The following SYNJ2 variants were observed in gnomAD, a reference collection of about 807,000 sequenced individuals.
SYNJ2 encodes the protein synaptojanin 2.
SYNJ2 carries 116 observed loss-of-function variants against 141.3 expected under a neutral mutation model. The ratio of observed to expected loss-of-function variants is 0.82; its 90% CI spans 0.71 to 0.96. SYNJ2 has a LOEUF of 0.96. Among genes scored for constraint, SYNJ2 ranks in the 40% least tolerant of loss-of-function variants. The pLI, the probability that SYNJ2 is intolerant of heterozygous loss-of-function variation, is 0.00. For synonymous variants in SYNJ2, 745 were observed against 777.7 expected (o/e 0.96, Z 0.70); for missense variants, 1,873 against 1,934.8 (o/e 0.97, Z 0.60).
chr6:158,026,169 G>A (rs535113082), intron 2 of SYNJ2, among the ~76,000 whole-genome samples: 4 of 152,318 alleles, frequency 2.6e-5, no homozygotes, highest in African/African-American at 9.6e-5. Flanking sequence ...TCATGCGTGT[G>A]TGAAATGGCA....
intron 5 of SYNJ2, among the ~76,000 whole-genome samples, chr6:158,046,698 G>A (rs908958443): frequency 2.0e-5 from 3 of 152,180 alleles, no homozygotes; most frequent in African/African-American, 7.2e-5. Flanking sequence ...AGTACTTCCT[G>A]ACTCCATTTC....
At chr6:158,059,403 T>C in intron 7 of SYNJ2, 50 bp downstream of exon 7, 2 of 1,544,178 alleles carry the variant, frequency 1.3e-6, no homozygotes, top group Non-Finnish European at 1.7e-6. Flanking sequence ...CAGGTGGCCA[T>C]GGTGGAGCGT....
intron 2 of SYNJ2, among the ~76,000 whole-genome samples, chr6:158,019,445 T>G (rs1422753594): frequency 6.6e-6 from 1 of 152,116 alleles, no homozygotes; most frequent in Non-Finnish European, 1.5e-5. Flanking sequence ...AGATCAGCTG[T>G]GGGAAATTGG....
At chr6:157,994,805 T>A (rs9459063) in intron 1 of SYNJ2, among the ~76,000 whole-genome samples, 56,007 of 152,124 alleles carry the variant, frequency 0.37, 11,786 homozygotes, top group African/African-American at 0.59. Context: ...TTGGGCTCTT[T>A]TTGACAGGGG....
At chr6:158,020,629 T>C (rs1010702829) in intron 2 of SYNJ2, among the ~76,000 whole-genome samples, 1 of 150,676 alleles carries the variant, frequency 6.6e-6, no homozygotes, top group Non-Finnish European at 1.5e-5. Flanking sequence ...CTGATTTCAC[T>C]GCGTGGCTAA....
At chr6:157,999,964 A>G (rs1777775087) in intron 1 of SYNJ2, among the ~76,000 whole-genome samples, 1 of 151,734 alleles carries the variant, frequency 6.6e-6, no homozygotes, top group South Asian at 2.1e-4. Context: ...CACACAGCAC[A>G]ACAGCTTATG....
In SYNJ2 at chr6:158,006,488, C is replaced by T. The variant is rs537433698; in HGVS notation, c.128-10716C>T. Among the ~76,000 whole-genome samples, 399 of 152,280 alleles carry T rather than the reference C, an allele frequency of 2.6e-3. 2 individuals carry two copies. The highest frequency in any genetic ancestry group is 5.6e-3 in the South Asian group (27 of 4,828). On this transcript the variant is annotated intron_variant, in intron 1 of 26. Coordinates refer to ENST00000355585, the MANE Select transcript of SYNJ2 (RefSeq NM_003898.4). Reference sequence around the variant, plus strand: ...CCTTGAAACGCTTTCTTCTCCTGGCCGCCAGGATGCCACGCACTGCTGGGT... The same window carrying T: ...CCTTGAAACGCTTTCTTCTCCTGGCTGCCAGGATGCCACGCACTGCTGGGT...
intron 1 of SYNJ2, among the ~76,000 whole-genome samples, chr6:157,993,023 G>T (rs1223982299): frequency 3.3e-5 from 5 of 152,066 alleles, no homozygotes; most frequent in Non-Finnish European, 5.9e-5. Context: ...CCTCCAAACT[G>T]TTCTCCATAG....
intron 5 of SYNJ2, among the ~76,000 whole-genome samples, chr6:158,053,963 T>C (rs867717303): frequency 4.0e-5 from 6 of 149,504 alleles, no homozygotes; most frequent in African/African-American, 1.5e-4. Context: ...GATCCATCCA[T>C]CCACCCACCC....
At chr6:158,009,578 T>C (rs1300930871) in intron 1 of SYNJ2, among the ~76,000 whole-genome samples, 1 of 152,134 alleles carries the variant, frequency 6.6e-6, no homozygotes, top group Non-Finnish European at 1.5e-5. Context: ...CAGAAATTCG[T>C]GGCCAGCCAA....
chr6:158,025,969 A>ATACATGC (rs1322823585), intron 2 of SYNJ2, among the ~76,000 whole-genome samples: 2 of 144,142 alleles, frequency 1.4e-5, no homozygotes, highest in South Asian at 4.4e-4. Context: ...TAAATAAATA[A>ATACATGC]ATAATACATG....
At chr6:158,076,858 C>T in intron 17 of SYNJ2, 76 bp downstream of exon 17, 3 of 1,489,922 alleles carry the variant, frequency 2.0e-6, no homozygotes, top group Non-Finnish European at 2.7e-6. Context: ...CACGTTTACC[C>T]AACCCCAGGC....
Position 158,028,923 on chromosome 6 carries a change from G to T in SYNJ2, c.382G>T (p.Val128Leu). Residue 128 changes from valine to leucine, a missense_variant, in exon 3 of 27, where the codon GTG (valine) becomes TTG (leucine). Coordinates refer to ENST00000355585, the MANE Select transcript of SYNJ2 (RefSeq NM_003898.4). ...TTTGAAGAAAATCCTCAGCTCGGGGGTGTTCTATTTCTCATGGCCAAACGA... is the reference window on the plus strand; with the variant it reads ...TTTGAAGAAAATCCTCAGCTCGGGGTTGTTCTATTTCTCATGGCCAAACGA... ...IALKKILSSG[V>L]FYFSWPNDGS... 6.2e-7 allele frequency: 1 copy of T among 1,614,176 alleles called. No homozygotes were observed. Among genetic ancestry groups the T allele is most frequent in the Non-Finnish European group, 8.5e-7 (1 of 1,180,032 alleles).
chr6:158,039,535 C>G (rs117905025), intron 4 of SYNJ2, among the ~76,000 whole-genome samples: 2,143 of 152,312 alleles, frequency 0.014, 19 homozygotes, highest in South Asian at 0.032. Flanking sequence ...CTTCCTACCC[C>G]CTTGAGTTTG....
Position 158,070,613 on chromosome 6 carries a change from C to T in SYNJ2, c.1940+940C>T, listed in dbSNP as rs1286755108. On this transcript the variant is annotated intron_variant, in intron 14 of 26. Transcript: ENST00000355585. This position sits in a 1 kb window ranked among gnomAD's most constrained non-coding sequence, Gnocchi z 4.0. ...GGTTTCCCAGGCTCGGTGTCCTCGG[C>T]TTCACGTGCCTTTAGCCCTGAGCTG... is the stretch of plus-strand genomic sequence containing the variant. 2 of 599,840 alleles carry T rather than the reference C, an allele frequency of 3.3e-6. No homozygotes were observed. Among genetic ancestry groups the T allele is most frequent in the African/African-American group, 2.0e-5 (1 of 49,514 alleles). 37.2% of individuals were successfully genotyped at this position (599,840 alleles called of 1,614,324 possible).
chr6:158,046,067 C>T (rs897579355), intron 5 of SYNJ2, among the ~76,000 whole-genome samples: 1 of 152,194 alleles, frequency 6.6e-6, no homozygotes, highest in Non-Finnish European at 1.5e-5. Context: ...CTCAGCCTCA[C>T]AAGTAGCTGG....
intron 1 of SYNJ2, among the ~76,000 whole-genome samples, chr6:157,984,857 T>C (rs1562304984): frequency 2.0e-5 from 3 of 152,310 alleles, no homozygotes; most frequent in East Asian, 1.9e-4. Flanking sequence ...TCTTCAGCTG[T>C]GGTTTTCCTG....
At chr6:158,046,005 C>T (rs758749554) in intron 5 of SYNJ2, among the ~76,000 whole-genome samples, 21 of 152,110 alleles carry the variant, frequency 1.4e-4, no homozygotes, top group Admixed American at 5.9e-4. Flanking sequence ...TGCAATGGCA[C>T]GACCTCGGCT....
At chr6:158,009,521 G>A (rs896713559) in intron 1 of SYNJ2, among the ~76,000 whole-genome samples, 12 of 152,228 alleles carry the variant, frequency 7.9e-5, no homozygotes, top group Non-Finnish European at 1.5e-4. Context: ...AAGAGGAGTC[G>A]AGGAAGGGGG....
Sources: gnomAD v4.1 joint callset for allele counts (sites outside exome capture counted in the v4.1 genomes callset) on GRCh38, gnomAD v4.1.1 for gene constraint, Gnocchi (gnomAD v3.1) non-coding constraint, MANE v1.5 for transcripts, NCBI Gene and HGNC (gene_info 2026-07-23, HGNC 2026-07-21) for gene names.